EFCAB7: variants seen among roughly 807,000 people sequenced by gnomAD.
The protein encoded by EFCAB7 is EF-hand calcium binding domain 7, also known as EF-hand calcium-binding domain-containing protein 7.
EFCAB7 carries 66 observed loss-of-function variants against 77.1 expected under a neutral mutation model. The observed-to-expected ratio is 0.86, with a 90% confidence interval of 0.70 to 1.05. The LOEUF (loss-of-function observed/expected upper bound fraction) is 1.05, where lower values mean the gene tolerates loss of function less well. Ranked by LOEUF, EFCAB7 falls within the 50% of genes least tolerant of loss-of-function variation. The pLI is 0.00. For missense variants in EFCAB7, 638 were observed against 730.5 expected (o/e 0.87, Z 1.46); for synonymous variants, 225 against 243.3 (o/e 0.92, Z 0.70).
downstream of EFCAB7, among the ~76,000 whole-genome samples, chr1:63,577,436 C>T (rs190060036): frequency 3.3e-5 from 5 of 152,004 alleles, no homozygotes. Context: ...AAAATGAAAT[C>T]GTTCCAGAAT....
chr1:63,525,204 G>A lies in EFCAB7; in HGVS notation c.-1-368G>A, dbSNP rs1228182536. Among the ~76,000 whole-genome samples, 3 of 152,026 alleles carry A rather than the reference G, an allele frequency of 2.0e-5. No individual in the cohort carries two copies. In the East Asian group the frequency reaches 5.8e-4, roughly 29 times the overall value. On this transcript the variant is annotated intron_variant, in intron 1 of 13. Transcript: ENST00000371088. ...TGATGAAGACTGTCATCTGACTTTCGTATTTTGAGAGAATAGATGTGTGCT... is the reference window on the plus strand; with the variant it reads ...TGATGAAGACTGTCATCTGACTTTCATATTTTGAGAGAATAGATGTGTGCT...
rs1206291941 is a variant in EFCAB7, at chr1:63,532,854, A to G, written c.486+98A>G. The stretch of plus-strand genomic sequence containing the variant: ...TAAGGTATAATTGACATTACAGTGT[A>G]CATGCAATGTTTTGATATATGTATA... On this transcript the variant is annotated intron_variant, in intron 4 of 13. Transcript: ENST00000371088. 37 of 911,888 alleles carry G rather than the reference A, an allele frequency of 4.1e-5. No homozygotes were observed. The Admixed American group carries it at 6.3e-4, about 16-fold the overall frequency. The allele number at this position is 911,888 out of a possible 1,614,324, so 56.5% of individuals were successfully genotyped here. A position where few individuals can be genotyped will look rare whatever the true frequency, so the allele number is the denominator to read the frequency against.
At chr1:63,539,250 C>T (rs1297082411) in intron 6 of EFCAB7, among the ~76,000 whole-genome samples, 2 of 152,162 alleles carry the variant, frequency 1.3e-5, no homozygotes, top group African/African-American at 4.8e-5. Flanking sequence ...AGGCAAAGTA[C>T]ATTATCTTTT....
chr1:63,584,107 C>T, the EFCAB7 span, among the ~76,000 whole-genome samples: 14 of 152,104 alleles, frequency 9.2e-5, no homozygotes, highest in African/African-American at 3.4e-4. Flanking sequence ...TGCCAGGAAA[C>T]AAAATGACAT....
chr1:63,576,459 G>A (rs372068257), downstream of EFCAB7, among the ~76,000 whole-genome samples: 5 of 151,746 alleles, frequency 3.3e-5, no homozygotes, highest in Non-Finnish European at 2.9e-5. Context: ...CAGCCCGGGC[G>A]ACATGAGTGA....
intron 13 of EFCAB7, 26 bp from the exon 14 acceptor site, chr1:63,572,414 AGT>A: frequency 6.4e-7 from 1 of 1,557,874 alleles, no homozygotes; most frequent in East Asian, 2.3e-5. Context: ...ATAAAAAGAG[AGT>A]AAAAGCTTTC....
chr1:63,552,831 A>G (rs999291686), intron 8 of EFCAB7, among the ~76,000 whole-genome samples: 2 of 152,242 alleles, frequency 1.3e-5, no homozygotes, highest in African/African-American at 2.4e-5. Context: ...CTTACAGACA[A>G]GAATAGGCAA....
At chr1:63,532,606 G>A (rs2100873094) in intron 3 of EFCAB7, 64 bp from the exon 4 acceptor site, 1 of 1,276,818 alleles carries the variant, frequency 7.8e-7, no homozygotes, top group Non-Finnish European at 1.1e-6. Context: ...TGCTTCCACT[G>A]TCCCCATGAA....
chr1:63,548,095 C>G (rs1646920943), intron 7 of EFCAB7: 1 of 152,428 alleles, frequency 6.6e-6, no homozygotes, highest in Non-Finnish European at 1.5e-5. Context: ...GTGTATGGTG[C>G]TGGAAGGGAT....
At chr1:63,551,591 GAA>G (rs35587501) in intron 7 of EFCAB7, 132 bp from the exon 8 acceptor site, 60 of 340,622 alleles carry the variant, frequency 1.8e-4, no homozygotes, top group East Asian at 5.1e-4. Flanking sequence ...ACTCCGTCTT[GAA>G]AAAAAAAAAC....
rs35556484 is a variant in EFCAB7 at position 63,572,495 on chromosome 1, T to C, written c.1869T>C (p.Cys623=). ...LNERQEWIYY[C]IYSLIS is the part of the protein sequence containing the mutation. Reference sequence around the variant, plus strand: ...AACGACAAGAATGGATATATTATTGTATATATTCTCTTATTTCTTAAATAA... The same window carrying C: ...AACGACAAGAATGGATATATTATTGCATATATTCTCTTATTTCTTAAATAA... Residue 623 remains cysteine (C), a synonymous_variant, in exon 14 of 14, where the codon TGT becomes TGC. Transcript: ENST00000371088. 11 of 1,518,322 alleles carry C rather than the reference T, an allele frequency of 7.2e-6. No homozygotes were observed. In the African/African-American group the frequency reaches 1.3e-4, roughly 18 times the overall value. 94.1% of individuals were successfully genotyped at this position (1,518,322 alleles called of 1,614,324 possible).
intron 7 of EFCAB7, chr1:63,549,290 A>C (rs1646937887): frequency 2.1e-6 from 1 of 465,258 alleles, no homozygotes; most frequent in Non-Finnish European, 4.4e-6. Flanking sequence ...AGCAATTCTT[A>C]CCTTTCTTAC....
chr1:63,574,817 A>C (rs954457634), downstream of EFCAB7, among the ~76,000 whole-genome samples: 1 of 152,228 alleles, frequency 6.6e-6, no homozygotes, highest in African/African-American at 2.4e-5. Flanking sequence ...GTCAGTATAA[A>C]TATTGACGCG....
At chr1:63,523,747 A>T (rs959795924) in intron 1 of EFCAB7, 113 bp downstream of exon 1, 1 of 155,842 alleles carries the variant, frequency 6.4e-6, no homozygotes, top group African/African-American at 2.4e-5. Context: ...TGGTCCATGT[A>T]TGTACCTAAA....
At chr1:63,551,649 A>C (rs1194969702) in intron 7 of EFCAB7, 76 bp from the exon 8 acceptor site, 2 of 606,830 alleles carry the variant, frequency 3.3e-6, no homozygotes, top group Non-Finnish European at 5.1e-6. Flanking sequence ...GAAACTAGTA[A>C]CTTATTTTTT....
At chr1:63,543,132 G>A (rs1003663368) in intron 6 of EFCAB7, among the ~76,000 whole-genome samples, 6 of 152,140 alleles carry the variant, frequency 3.9e-5, no homozygotes, top group African/African-American at 1.4e-4. Flanking sequence ...TAAGATAAGA[G>A]CCCAAATTTA....
At chr1:63,535,594 C>T (rs1366208061) in intron 6 of EFCAB7, among the ~76,000 whole-genome samples, 5 of 152,064 alleles carry the variant, frequency 3.3e-5, no homozygotes, top group Admixed American at 1.3e-4. Flanking sequence ...AATTTGTCAG[C>T]AGCCCTTCAG....
At chr1:63,551,005 T>C (rs976336356) in intron 7 of EFCAB7, 1 of 152,188 alleles carries the variant, frequency 6.6e-6, no homozygotes, top group African/African-American at 2.4e-5. Context: ...GGGTCTAACA[T>C]TCAGAGGAAA....
chr1:63,531,842 T>A lies in EFCAB7; in HGVS notation c.210T>A (p.Asn70Lys). The A allele has an allele frequency of 1.2e-6, 2 of 1,612,084 alleles. No homozygotes were observed. Among genetic ancestry groups the A allele is most frequent in the Non-Finnish European group, 1.7e-6 (2 of 1,179,300 alleles). The part of the protein sequence containing the change: ...LYLALQHAGR[N>K]PSQKTINKYW... Reference sequence around the variant, plus strand: ...CAGCTCTTCAGCATGCAGGAAGAAATCCATCCCAAAAGACCATTAATAAGT... The same window carrying A: ...CAGCTCTTCAGCATGCAGGAAGAAAACCATCCCAAAAGACCATTAATAAGT... Residue 70 changes from asparagine to lysine, a missense_variant, in exon 3 of 14, where the codon AAT becomes AAA. By Grantham distance (94) the Asn-to-Lys change is moderately conservative. Transcript: ENST00000371088.
Sources: gnomAD v4.1 joint callset for allele counts (sites outside exome capture counted in the v4.1 genomes callset) on GRCh38, gnomAD v4.1.1 for gene constraint, MANE v1.5 for transcripts, NCBI Gene and HGNC (gene_info 2026-07-23, HGNC 2026-07-21) for gene names.